The following FHOD3 variants were observed in gnomAD, a reference collection of about 807,000 sequenced individuals.
FHOD3 encodes formin homology 2 domain containing 3, also known as FH1/FH2 domain-containing protein 3.
Under a neutral mutation model 173.0 loss-of-function variants are expected in FHOD3, and 90 were observed. That is an observed-to-expected ratio of 0.52 (90% CI 0.44 to 0.62). FHOD3 has a LOEUF of 0.62. FHOD3 is among the 20% of genes least tolerant of loss of function. FHOD3 has a pLI of 0.00. For missense variants in FHOD3, 1,945 were observed against 2,034.7 expected (o/e 0.96, Z 0.85); for synonymous variants, 828 against 823.0 (o/e 1.01, Z -0.10).
chr18:36,364,365 G>A (rs139449154), intron 2 of FHOD3, among the ~76,000 whole-genome samples: 244 of 152,192 alleles, frequency 1.6e-3, no homozygotes, highest in African/African-American at 5.5e-3. Context: ...CTGTATCTCA[G>A]CCCCTAGAAA....
At chr18:36,474,792 C>T (rs1434210988) in intron 3 of FHOD3, among the ~76,000 whole-genome samples, 1 of 152,072 alleles carries the variant, frequency 6.6e-6, no homozygotes, top group East Asian at 1.9e-4. Context: ...AGCCAAGAAG[C>T]CCCTTGGCCA....
In FHOD3 at chr18:36,755,309, G is replaced by A. The variant is rs1464406693; in HGVS notation, c.4423G>A (p.Asp1475Asn). Residue 1475 changes from aspartate to asparagine, a missense_variant and splice_region_variant, in exon 25 of 29, where the codon GAT becomes AAT. Coordinates refer to ENST00000590592, the MANE Select transcript of FHOD3 (RefSeq NM_001281740.3). ...TAAGACCAGAGGGAAGATGATCACC[G>A]ATGTAAGTTTCACACAATCCCTCTC... ...RNKTRGKMIT[D>N]TDEEEEVESG... 27 of 1,550,224 alleles carry A rather than the reference G, an allele frequency of 1.7e-5. No homozygotes were observed. The highest frequency in any genetic ancestry group is 7.3e-5 in the South Asian group (6 of 82,656).
intron 17 of FHOD3, among the ~76,000 whole-genome samples, chr18:36,694,408 G>A (rs897916556): frequency 6.6e-6 from 1 of 152,148 alleles, no homozygotes; most frequent in African/African-American, 2.4e-5. Flanking sequence ...GGAGCGGGCC[G>A]GCTCCTCCAC....
Position 36,677,363 on chromosome 18 carries a change from G to A in FHOD3, c.1836-4073G>A, listed in dbSNP as rs1376424877. Among the ~76,000 whole-genome samples, 3 of 151,834 alleles carry A rather than the reference G, an allele frequency of 2.0e-5. No homozygotes were observed. The East Asian group carries it at 5.8e-4, about 29-fold the overall frequency. On this transcript the variant is annotated intron_variant, in intron 14 of 28. Coordinates refer to ENST00000590592, the MANE Select transcript of FHOD3 (RefSeq NM_001281740.3). Reference sequence around the variant, plus strand: ...AGACAGGCTTCTCCACGTTGGTCAGGCTGGTCTCAAACTCCTGACCGCAGG... The same window carrying A: ...AGACAGGCTTCTCCACGTTGGTCAGACTGGTCTCAAACTCCTGACCGCAGG...
At chr18:36,625,316 G>T (rs1257959902) in intron 9 of FHOD3, among the ~76,000 whole-genome samples, 195 bp from the exon 10 acceptor site, 1 of 152,210 alleles carries the variant, frequency 6.6e-6, no homozygotes, top group Non-Finnish European at 1.5e-5. Context: ...ACAGTGGCAG[G>T]CATCTTCCAG....
chr18:36,690,220 A>C (rs2038874628), intron 16 of FHOD3, among the ~76,000 whole-genome samples: 1 of 152,242 alleles, frequency 6.6e-6, no homozygotes, highest in South Asian at 2.1e-4. Context: ...CATGACAGGC[A>C]CTTGACAAAC....
intron 6 of FHOD3, among the ~76,000 whole-genome samples, chr18:36,581,526 C>T (rs1222312255): frequency 2.0e-5 from 3 of 152,160 alleles, no homozygotes; most frequent in Non-Finnish European, 4.4e-5. Flanking sequence ...TCCCATCAGC[C>T]CCATTGGATC....
intron 3 of FHOD3, among the ~76,000 whole-genome samples, chr18:36,492,383 A>G (rs530061108): frequency 1.3e-4 from 20 of 152,290 alleles, no homozygotes; most frequent in African/African-American, 4.6e-4. Flanking sequence ...TGTCTCCCCA[A>G]ATAGGCGAAA....
intron 3 of FHOD3, among the ~76,000 whole-genome samples, chr18:36,395,316 CAA>C (rs34684195): frequency 1.5e-5 from 2 of 133,736 alleles, no homozygotes; most frequent in Non-Finnish European, 1.6e-5. Context: ...GACTCCGTCT[CAA>C]AAAAAAAAAA....
intron 10 of FHOD3, 90 bp from the exon 11 acceptor site, chr18:36,649,226 T>G: frequency 1.2e-6 from 1 of 820,300 alleles, no homozygotes; most frequent in Non-Finnish European, 1.9e-6. Flanking sequence ...GTTGTTGTTG[T>G]TTTTGCTTCA....
chr18:36,417,555 A>T (rs2049733963), intron 3 of FHOD3, among the ~76,000 whole-genome samples: 1 of 152,220 alleles, frequency 6.6e-6, no homozygotes, highest in Non-Finnish European at 1.5e-5. Flanking sequence ...TAATAGAATG[A>T]CTTATATTCC....
At chr18:36,474,772 C>T (rs1441946254) in intron 3 of FHOD3, among the ~76,000 whole-genome samples, 6 of 152,038 alleles carry the variant, frequency 3.9e-5, no homozygotes, top group African/African-American at 9.7e-5. Flanking sequence ...GGGGCAGGAG[C>T]GGTTCACAGA....
rs1166783544 is a variant in FHOD3 at position 36,717,876 on chromosome 18, T to C, written c.2578T>C (p.Cys860Arg). ...CCAGGATGCAGGTGTAAATGGACAG[T>C]GTGGCGACATCCTCACCAACAAACG... Reference protein sequence around the residue: ...GVQDAGVNGQCGDILTNKRFM... With the variant: ...GVQDAGVNGQRGDILTNKRFM... Residue 860 changes from cysteine (C) to arginine (R), a missense_variant, in exon 19 of 29, where the codon TGT becomes CGT. Around this residue, in one of 5 missense-constraint regions of FHOD3, gnomAD observed 1,099 missense variants for 1,051.2 expected, o/e 1.05. Coordinates refer to ENST00000590592, the MANE Select transcript of FHOD3 (RefSeq NM_001281740.3). The C allele has an allele frequency of 2.5e-6, 4 of 1,608,710 alleles. No homozygotes were observed. Among genetic ancestry groups the C allele is most frequent in the Non-Finnish European group, 2.5e-6 (3 of 1,177,212 alleles).
chr18:36,649,721 G>T (rs775239473), intron 11 of FHOD3, among the ~76,000 whole-genome samples: 4 of 152,030 alleles, frequency 2.6e-5, no homozygotes, highest in Non-Finnish European at 5.9e-5. Context: ...GACTAAAAAG[G>T]CTCATCTCCC....
At chr18:36,308,020 T>C (rs370204490) in intron 1 of FHOD3, among the ~76,000 whole-genome samples, 2 of 152,302 alleles carry the variant, frequency 1.3e-5, no homozygotes, top group Admixed American at 6.5e-5. Context: ...GTATGTACCA[T>C]GATCCATGTA....
chr18:36,474,986 TACACACACACACAC>T (rs3056805), intron 3 of FHOD3, among the ~76,000 whole-genome samples: 5,471 of 108,074 alleles, frequency 0.051, 131 homozygotes, highest in African/African-American at 0.097. Flanking sequence ...AATACACACA[TACACACACACACAC>T]ACACACACAC....
At chr18:36,309,557 G>A (rs2092197170) in intron 1 of FHOD3, among the ~76,000 whole-genome samples, 1 of 152,198 alleles carries the variant, frequency 6.6e-6, no homozygotes, top group South Asian at 2.1e-4. Flanking sequence ...GGAGGACTCA[G>A]GCAGGCTCCT....
intron 10 of FHOD3, among the ~76,000 whole-genome samples, chr18:36,641,877 C>CG (rs781604608): frequency 9.9e-5 from 15 of 150,810 alleles, no homozygotes; most frequent in Non-Finnish European, 2.1e-4. Flanking sequence ...CGCTTGAACC[C>CG]GGGGGTTGGA....
At chr18:36,371,887 CT>C (rs2047211457) in intron 2 of FHOD3, among the ~76,000 whole-genome samples, 1 of 152,200 alleles carries the variant, frequency 6.6e-6, no homozygotes, top group Non-Finnish European at 1.5e-5. Flanking sequence ...GCTGGCTCTG[CT>C]TTTCCTTTGT....
Sources: gnomAD v4.1 joint callset for allele counts (sites outside exome capture counted in the v4.1 genomes callset) on GRCh38, gnomAD v4.1.1 for gene constraint, gnomAD v4.1.1 regional missense constraint, MANE v1.5 for transcripts, NCBI Gene and HGNC (gene_info 2026-07-23, HGNC 2026-07-21) for gene names.